The following AGBL4 variants were observed in gnomAD, a reference collection of about 807,000 sequenced individuals.
AGBL4 encodes the protein cytosolic carboxypeptidase 6.
In AGBL4, 58 loss-of-function variants were observed where a neutral mutation model predicts 66.4. The observed-to-expected ratio is 0.87, with a 90% CI of 0.71 to 1.09. The LOEUF is 1.09. Among genes scored for constraint, AGBL4 ranks in the 50% least tolerant of loss-of-function variants. AGBL4 has a pLI of 0.00. For missense variants in AGBL4, 579 were observed against 631.0 expected (o/e 0.92, Z 0.88); for synonymous variants, 234 against 222.9 (o/e 1.05, Z -0.44).
intron 3 of AGBL4, among the ~76,000 whole-genome samples, chr1:49,441,882 T>C (rs911943379): frequency 3.3e-5 from 5 of 152,082 alleles, no homozygotes. Context: ...ATGAACAAAA[T>C]GGCCACGGTG....
chr1:49,804,184 A>T (rs977852365), intron 2 of AGBL4, among the ~76,000 whole-genome samples: 6 of 152,212 alleles, frequency 3.9e-5, no homozygotes, highest in South Asian at 4.1e-4. Flanking sequence ...TCACAAAAAA[A>T]CTATCAATGT....
intron 6 of AGBL4, among the ~76,000 whole-genome samples, chr1:48,785,797 G>C (rs775728019): frequency 3.3e-5 from 5 of 152,140 alleles, no homozygotes; most frequent in Non-Finnish European, 7.3e-5. Context: ...TTGTTGGCTG[G>C]AAGTCACTGA....
intron 1 of AGBL4, among the ~76,000 whole-genome samples, chr1:49,856,608 C>A (rs1238654823): frequency 6.6e-6 from 1 of 152,014 alleles, no homozygotes; most frequent in Non-Finnish European, 1.5e-5. Flanking sequence ...AACACATCAA[C>A]AGAATGAAGG....
intron 2 of AGBL4, among the ~76,000 whole-genome samples, chr1:49,819,009 G>A (rs758388247): frequency 4.9e-4 from 75 of 152,106 alleles, no homozygotes; most frequent in Middle Eastern, 3.4e-3. Flanking sequence ...ACTTGTCTTT[G>A]AGCTTCTAAT....
chr1:49,975,091 G>A (rs1325261807), intron 1 of AGBL4, among the ~76,000 whole-genome samples: 1 of 151,972 alleles, frequency 6.6e-6, no homozygotes, highest in Non-Finnish European at 1.5e-5. Context: ...TTAAATAACT[G>A]CATAAAACAA....
At chr1:48,621,981 G>T (rs1645421554) in intron 9 of AGBL4, among the ~76,000 whole-genome samples, 1 of 151,594 alleles carries the variant, frequency 6.6e-6, no homozygotes, top group Admixed American at 6.6e-5. Context: ...TTTGAATTCT[G>T]TGTCTTTCTA....
intron 1 of AGBL4, among the ~76,000 whole-genome samples, chr1:49,877,518 C>G (rs1260516634): frequency 6.6e-6 from 1 of 151,056 alleles, no homozygotes; most frequent in East Asian, 1.9e-4. Context: ...CCCACTTGAT[C>G]ATGGTGGATA....
chr1:49,192,180 G>A (rs571873582), intron 4 of AGBL4, among the ~76,000 whole-genome samples: 2 of 151,958 alleles, frequency 1.3e-5, no homozygotes, highest in African/African-American at 4.8e-5. Context: ...TCTCATTGTG[G>A]TTTTGATTTG....
chr1:50,017,618 G>C (rs2148447247), intron 1 of AGBL4: 1 of 152,236 alleles, frequency 6.6e-6, no homozygotes, highest in South Asian at 2.1e-4. Flanking sequence ...TATACTAAGG[G>C]AATTAACGCA....
chr1:49,818,963 A>G (rs1245019062), intron 2 of AGBL4, among the ~76,000 whole-genome samples: 1 of 152,166 alleles, frequency 6.6e-6, no homozygotes, highest in African/African-American at 2.4e-5. Context: ...TGATTTGACT[A>G]AAGTCAAATC....
intron 3 of AGBL4, among the ~76,000 whole-genome samples, chr1:49,505,443 G>C (rs1367422518): frequency 1.3e-5 from 2 of 151,416 alleles, no homozygotes; most frequent in Non-Finnish European, 2.9e-5. Context: ...GCTGTTGTTT[G>C]TCTAGGAAAG....
At chr1:50,014,770 C>T (rs1557661566) in intron 1 of AGBL4, among the ~76,000 whole-genome samples, 1 of 152,072 alleles carries the variant, frequency 6.6e-6, no homozygotes. Flanking sequence ...GGTGATCCAC[C>T]TGCCTTGGCC....
chr1:49,699,840 T>A (rs1466462747), intron 2 of AGBL4, among the ~76,000 whole-genome samples: 2 of 151,934 alleles, frequency 1.3e-5, no homozygotes, highest in Non-Finnish European at 2.9e-5. Context: ...GGATTATAGT[T>A]AATAATATTA....
At chr1:49,923,839 G>GA (rs1042069687) in intron 1 of AGBL4, among the ~76,000 whole-genome samples, 1 of 152,142 alleles carries the variant, frequency 6.6e-6, no homozygotes, top group East Asian at 1.9e-4. Flanking sequence ...GGTTGTGGAG[G>GA]AAAAAAAGAA....
chr1:48,799,967 G>C (rs541618547), intron 6 of AGBL4, among the ~76,000 whole-genome samples: 1 of 152,152 alleles, frequency 6.6e-6, no homozygotes, highest in Admixed American at 6.5e-5. Context: ...TTCTTTGTTT[G>C]TTATATCCTT....
intron 3 of AGBL4, among the ~76,000 whole-genome samples, chr1:49,455,021 ATT>A (rs996363875): frequency 3.3e-5 from 5 of 151,654 alleles, no homozygotes; most frequent in Non-Finnish European, 7.4e-5. Context: ...TTATTACTCT[ATT>A]TTAAAGAGAG....
At chr1:48,777,431 G>GC in intron 6 of AGBL4, among the ~76,000 whole-genome samples, 1 of 150,472 alleles carries the variant, frequency 6.6e-6, no homozygotes, top group Non-Finnish European at 1.5e-5. Flanking sequence ...CGCGCCCCCA[G>GC]CCCCGCACCC....
intron 2 of AGBL4, among the ~76,000 whole-genome samples, chr1:49,836,895 A>G (rs1356380796): frequency 6.6e-6 from 1 of 152,134 alleles, no homozygotes; most frequent in East Asian, 1.9e-4. Context: ...TTGCCTGAGT[A>G]TCACCAGCGG....
chr1:48,600,203 C>G (rs1645053832), intron 9 of AGBL4, among the ~76,000 whole-genome samples: 1 of 152,066 alleles, frequency 6.6e-6, no homozygotes, highest in South Asian at 2.1e-4. Flanking sequence ...ACTCAGGCAA[C>G]AATTGCCAAG....
Sources: allele counts gnomAD v4.1 joint callset (sites outside exome capture counted in the v4.1 genomes callset), GRCh38; gene constraint gnomAD v4.1.1; transcripts MANE v1.5; gene names NCBI Gene and HGNC (gene_info 2026-07-23, HGNC 2026-07-21).